SEMA3E: variants seen among roughly 807,000 people sequenced by gnomAD.
The protein encoded by SEMA3E is semaphorin-3E.
SEMA3E carries 49 observed loss-of-function variants against 93.6 expected under a neutral mutation model. The ratio of observed to expected loss-of-function variants is 0.52; its 90% CI spans 0.42 to 0.66. SEMA3E has a LOEUF of 0.66. SEMA3E is among the 30% of genes least tolerant of loss of function. The pLI is 0.00. For synonymous variants in SEMA3E, 363 were observed against 330.7 expected (o/e 1.10, Z -1.06); for missense variants, 906 against 964.8 (o/e 0.94, Z 0.81).
At chr7:83,632,764 T>C (rs141331677) in intron 1 of SEMA3E, among the ~76,000 whole-genome samples, 9 of 152,310 alleles carry the variant, frequency 5.9e-5, no homozygotes, top group Non-Finnish European at 1.2e-4. Flanking sequence ...GAAAAAAAAC[T>C]AAGACTAAAA....
At chr7:83,605,091 T>C (rs1236751230) in intron 1 of SEMA3E, among the ~76,000 whole-genome samples, 3 of 152,178 alleles carry the variant, frequency 2.0e-5, no homozygotes, top group Non-Finnish European at 4.4e-5. Context: ...GCAATAAGCA[T>C]ATGTGTGCAT....
rs558159906 is a variant in SEMA3E, at chr7:83,418,210, TA to T, written c.550+179del. On this transcript the variant is annotated intron_variant, in intron 5 of 16. Transcript: ENST00000643230. ...CACTTTATAGCATCTGCACTTATTT[TA>T]GAGTCAAATTGCTCAGGTTAACATG... Among the ~76,000 whole-genome samples, 66 of 152,356 alleles carry T rather than the reference TA, an allele frequency of 4.3e-4. No individual in the cohort carries two copies. In the South Asian group the frequency reaches 0.013, roughly 30 times the overall value.
At chr7:83,490,882 T>C (rs1790369425) in intron 1 of SEMA3E, among the ~76,000 whole-genome samples, 1 of 152,118 alleles carries the variant, frequency 6.6e-6, no homozygotes, top group South Asian at 2.1e-4. Flanking sequence ...TTTACCTATA[T>C]ACATGTAAGA....
intron 1 of SEMA3E, among the ~76,000 whole-genome samples, chr7:83,603,399 TA>T (rs946858089): frequency 6.6e-6 from 1 of 152,140 alleles, no homozygotes; most frequent in African/African-American, 2.4e-5. Flanking sequence ...TGAAAAAATT[TA>T]TGCTATGAAT....
intron 1 of SEMA3E, among the ~76,000 whole-genome samples, chr7:83,555,146 TTG>T (rs1209840357): frequency 2.6e-5 from 4 of 152,128 alleles, no homozygotes; most frequent in Admixed American, 6.6e-5. Flanking sequence ...CTATTATTTA[TTG>T]TAGACCAAAA....
At chr7:83,531,616 G>A (rs1478336452) in intron 1 of SEMA3E, among the ~76,000 whole-genome samples, 2 of 152,060 alleles carry the variant, frequency 1.3e-5, no homozygotes, top group Non-Finnish European at 2.9e-5. Flanking sequence ...GCCTCCCAAA[G>A]TGCTGGGATT....
At chr7:83,445,750 A>T (rs1789215049) in intron 4 of SEMA3E, among the ~76,000 whole-genome samples, 1 of 152,032 alleles carries the variant, frequency 6.6e-6, no homozygotes. Flanking sequence ...TAAAAAGAGT[A>T]TAGGTGGAAT....
intron 4 of SEMA3E, among the ~76,000 whole-genome samples, chr7:83,445,423 AGAGTATAGGTG>A (rs1789205180): frequency 6.6e-6 from 1 of 152,188 alleles, no homozygotes; most frequent in Admixed American, 6.5e-5. Context: ...GATGTCATCA[AGAGTATAGGTG>A]GGGCCGGGCA....
chr7:83,378,948 T>A (rs1179530797), intron 16 of SEMA3E, among the ~76,000 whole-genome samples: 1 of 151,806 alleles, frequency 6.6e-6, no homozygotes, highest in Non-Finnish European at 1.5e-5. Context: ...CCTCCATTCA[T>A]ATGTTTATCA....
intron 2 of SEMA3E, among the ~76,000 whole-genome samples, chr7:83,487,218 A>G (rs987383966): frequency 6.6e-6 from 1 of 152,118 alleles, no homozygotes; most frequent in African/African-American, 2.4e-5. Context: ...AGAAGCTGCT[A>G]TCTCTTGGTC....
intron 14 of SEMA3E, among the ~76,000 whole-genome samples, chr7:83,391,533 T>C (rs1264003833): frequency 6.6e-6 from 1 of 152,204 alleles, no homozygotes; most frequent in Admixed American, 6.6e-5. Context: ...AATTCTTTAA[T>C]ACATTTGGTA....
At chr7:83,521,913 G>T (rs1791058403) in intron 1 of SEMA3E, among the ~76,000 whole-genome samples, 1 of 152,062 alleles carries the variant, frequency 6.6e-6, no homozygotes, top group African/African-American at 2.4e-5. Flanking sequence ...TCAGTTCATT[G>T]TAGGCACTTT....
At chr7:83,375,275 T>C (rs1794804850) in intron 16 of SEMA3E, among the ~76,000 whole-genome samples, 2 of 152,088 alleles carry the variant, frequency 1.3e-5, no homozygotes, top group South Asian at 4.1e-4. Flanking sequence ...GTCTCTAAAA[T>C]ATATTTTTAA....
intron 4 of SEMA3E, among the ~76,000 whole-genome samples, chr7:83,454,733 T>A (rs1789446373): frequency 6.6e-6 from 1 of 152,234 alleles, no homozygotes; most frequent in Admixed American, 6.5e-5. Flanking sequence ...CCTAAAAATA[T>A]ATTTTCAATA....
At chr7:83,472,664 C>T (rs1789924331) in intron 2 of SEMA3E, among the ~76,000 whole-genome samples, 1 of 152,166 alleles carries the variant, frequency 6.6e-6, no homozygotes, top group Non-Finnish European at 1.5e-5. Flanking sequence ...TGGTGTTTCT[C>T]ACCGAAACAC....
chr7:83,554,050 A>T (rs922901831), intron 1 of SEMA3E, among the ~76,000 whole-genome samples: 3 of 152,162 alleles, frequency 2.0e-5, no homozygotes, highest in Admixed American at 6.5e-5. Flanking sequence ...TCATTGCTGC[A>T]TACTTAAGTA....
chr7:83,646,416 C>T (rs754296615), intron 1 of SEMA3E, among the ~76,000 whole-genome samples: 3 of 152,066 alleles, frequency 2.0e-5, no homozygotes, highest in Non-Finnish European at 4.4e-5. Flanking sequence ...GTGCAGTAGG[C>T]ATTTGCTGCT....
intron 4 of SEMA3E, among the ~76,000 whole-genome samples, chr7:83,434,666 T>C (rs190668356): frequency 3.6e-4 from 55 of 152,050 alleles, no homozygotes; most frequent in Non-Finnish European, 6.3e-4. Flanking sequence ...TTTGGCAGAA[T>C]TGGCTAATTT....
At chr7:83,572,948 A>G (rs1792317241) in intron 1 of SEMA3E, among the ~76,000 whole-genome samples, 1 of 152,186 alleles carries the variant, frequency 6.6e-6, no homozygotes, top group Admixed American at 6.5e-5. Context: ...CAAAACACGG[A>G]AATACCCTTC....
Sources: gnomAD v4.1 joint callset for allele counts (sites outside exome capture counted in the v4.1 genomes callset) on GRCh38, gnomAD v4.1.1 for gene constraint, MANE v1.5 for transcripts, NCBI Gene and HGNC (gene_info 2026-07-23, HGNC 2026-07-21) for gene names.